The following PCDH9 variants were observed in gnomAD, a reference collection of about 807,000 sequenced individuals.
The protein encoded by PCDH9 is protocadherin 9.
In PCDH9, 24 loss-of-function variants were observed where a neutral mutation model predicts 70.6. The ratio of observed to expected loss-of-function variants is 0.34; its 90% CI spans 0.25 to 0.48. PCDH9 has a LOEUF of 0.48. Ranked by LOEUF, PCDH9 falls within the 20% of genes least tolerant of loss-of-function variation. The pLI, the probability that PCDH9 is intolerant of heterozygous loss-of-function variation, is 0.99. For synonymous variants in PCDH9, 562 were observed against 558.5 expected (o/e 1.01, Z -0.09); for missense variants, 1,281 against 1,503.6 (o/e 0.85, Z 2.45).
chr13:66,802,609 C>T (rs897797029), intron 3 of PCDH9, among the ~76,000 whole-genome samples: 7 of 152,038 alleles, frequency 4.6e-5, no homozygotes, highest in African/African-American at 1.7e-4. Flanking sequence ...CAATAGGGTG[C>T]TGTAAAGTTT....
At chr13:66,895,730 T>C (rs776104092) in intron 3 of PCDH9, among the ~76,000 whole-genome samples, 3 of 152,244 alleles carry the variant, frequency 2.0e-5, no homozygotes, top group African/African-American at 7.2e-5. Flanking sequence ...TTTATTATCA[T>C]TTCATGTGTG....
intron 4 of PCDH9, among the ~76,000 whole-genome samples, chr13:66,392,774 T>G (rs188784642): frequency 6.0e-4 from 92 of 152,246 alleles, no homozygotes; most frequent in African/African-American, 2.1e-3. Context: ...AGCATCTTTA[T>G]ATTTCTGAAT....
At chr13:66,597,086 C>T (rs991905907) in intron 4 of PCDH9, among the ~76,000 whole-genome samples, 2 of 151,584 alleles carry the variant, frequency 1.3e-5, no homozygotes, top group African/African-American at 4.8e-5. Context: ...TGACATTAGT[C>T]AGCTGACCAT....
intron 3 of PCDH9, among the ~76,000 whole-genome samples, chr13:66,657,853 A>G (rs2139008191): frequency 6.6e-6 from 1 of 152,322 alleles, no homozygotes; most frequent in Non-Finnish European, 1.5e-5. Context: ...CTGCACATCA[A>G]AGAAATCTAC....
intron 2 of PCDH9, among the ~76,000 whole-genome samples, chr13:67,033,489 C>T (rs1365343387): frequency 6.6e-6 from 1 of 152,130 alleles, no homozygotes; most frequent in Non-Finnish European, 1.5e-5. Flanking sequence ...GTTATTCAAT[C>T]TGTGAGCAAA....
At chr13:66,849,795 C>T (rs1307971533) in intron 3 of PCDH9, among the ~76,000 whole-genome samples, 1 of 152,066 alleles carries the variant, frequency 6.6e-6, no homozygotes, top group African/African-American at 2.4e-5. Context: ...CCAATAGACG[C>T]TGCTTTTATC....
At chr13:66,383,856 G>A (rs59494529) in intron 4 of PCDH9, among the ~76,000 whole-genome samples, 1,641 of 152,200 alleles carry the variant, frequency 0.011, 33 homozygotes, top group African/African-American at 0.038. Flanking sequence ...ATAGTAAAAT[G>A]TGTTAATTGG....
intron 2 of PCDH9, among the ~76,000 whole-genome samples, chr13:67,122,647 G>A (rs2086899037): frequency 6.6e-6 from 1 of 151,794 alleles, no homozygotes; most frequent in African/African-American, 2.4e-5. Flanking sequence ...AGTGATGCGT[G>A]CCTGTAATCC....
chr13:66,637,016 T>C (rs1195684762), intron 3 of PCDH9, among the ~76,000 whole-genome samples: 1 of 152,154 alleles, frequency 6.6e-6, no homozygotes, highest in African/African-American at 2.4e-5. Context: ...ATATTTCTTA[T>C]AATATTCACT....
intron 2 of PCDH9, among the ~76,000 whole-genome samples, chr13:67,189,142 G>A (rs61959436): frequency 1.3e-5 from 2 of 150,742 alleles, no homozygotes; most frequent in East Asian, 2.0e-4. Context: ...ATATATGAAG[G>A]AATACACACA....
At chr13:66,899,371 AC>A (rs1426947407) in intron 3 of PCDH9, among the ~76,000 whole-genome samples, 2 of 151,878 alleles carry the variant, frequency 1.3e-5, no homozygotes, top group African/African-American at 2.4e-5. Flanking sequence ...TTAGTTTAAA[AC>A]CCTTCCACCA....
chr13:67,054,243 C>T (rs567133551), intron 2 of PCDH9, among the ~76,000 whole-genome samples: 1 of 152,308 alleles, frequency 6.6e-6, no homozygotes, highest in Admixed American at 6.5e-5. Context: ...TTAATTTAAA[C>T]ACCCGCTCTT....
At chr13:66,712,355 T>G (rs539020537) in intron 3 of PCDH9, among the ~76,000 whole-genome samples, 4 of 152,278 alleles carry the variant, frequency 2.6e-5, no homozygotes, top group African/African-American at 9.6e-5. Flanking sequence ...CTTATTTATT[T>G]GCTACTCAGC....
At chr13:66,688,099 C>T (rs566130838) in intron 3 of PCDH9, among the ~76,000 whole-genome samples, 2 of 152,182 alleles carry the variant, frequency 1.3e-5, no homozygotes, top group South Asian at 4.1e-4. Context: ...ACTTCCTCTT[C>T]TATACACTAT....
chr13:67,095,240 T>C (rs1006046342), intron 2 of PCDH9, among the ~76,000 whole-genome samples: 1 of 152,136 alleles, frequency 6.6e-6, no homozygotes, highest in Non-Finnish European at 1.5e-5. Flanking sequence ...CAAGGAGTAT[T>C]TCAGCGTTTC....
At chr13:66,470,514 T>C (rs1958597005) in intron 4 of PCDH9, among the ~76,000 whole-genome samples, 1 of 152,036 alleles carries the variant, frequency 6.6e-6, no homozygotes, top group Admixed American at 6.6e-5. Context: ...CTGAAGAGTA[T>C]TGGTGACTTA....
chr13:66,829,258 C>A (rs1310719871), intron 3 of PCDH9, among the ~76,000 whole-genome samples: 2 of 152,128 alleles, frequency 1.3e-5, no homozygotes, highest in African/African-American at 4.8e-5. Context: ...CTCAGGTGAT[C>A]CACCCACCTC....
chr13:66,984,886 T>C (rs931842092), intron 2 of PCDH9, among the ~76,000 whole-genome samples: 2 of 152,016 alleles, frequency 1.3e-5, no homozygotes, highest in Non-Finnish European at 2.9e-5. Flanking sequence ...AGGACAATTT[T>C]AAAACTTTGT....
intron 3 of PCDH9, among the ~76,000 whole-genome samples, chr13:66,813,929 CT>C (rs1386452511): frequency 6.6e-6 from 1 of 152,158 alleles, no homozygotes; most frequent in Non-Finnish European, 1.5e-5. Context: ...AAAGCACAGG[CT>C]TTAAAATACC....
Sources: gnomAD v4.1 joint callset for allele counts (sites outside exome capture counted in the v4.1 genomes callset) on GRCh38, gnomAD v4.1.1 for gene constraint, MANE v1.5 for transcripts, NCBI Gene and HGNC (gene_info 2026-07-23, HGNC 2026-07-21) for gene names.